Variants in HTR4 observed in about 807,000 individuals in gnomAD.
HTR4 encodes the protein 5-hydroxytryptamine (serotonin) receptor 4, G protein-coupled.
A neutral mutation model predicts 36.8 loss-of-function variants in HTR4; 16 were observed. That is an observed-to-expected ratio of 0.43 (90% CI 0.29 to 0.66). HTR4 has a LOEUF of 0.66. HTR4 is among the 30% of genes least tolerant of loss of function. The pLI is 0.13. For missense variants in HTR4, 438 were observed against 490.9 expected, an observed-to-expected ratio of 0.89 and a Z score of 1.02; for synonymous variants, 189 against 185.1, an observed-to-expected ratio of 1.02 and a Z score of -0.17.
chr5:148,559,535 T>C (rs1285507722), intron 2 of HTR4, among the ~76,000 whole-genome samples: 1 of 151,986 alleles, frequency 6.6e-6, no homozygotes, highest in Non-Finnish European at 1.5e-5. Context: ...TTTTAAAGTA[T>C]ATATCATTTC....
chr5:148,582,454 C>T (rs1192389760), intron 2 of HTR4, among the ~76,000 whole-genome samples: 2 of 151,846 alleles, frequency 1.3e-5, no homozygotes, highest in Non-Finnish European at 1.5e-5. Context: ...TCCTTCATCC[C>T]CCCTTCATCC....
At chr5:148,576,483 G>A (rs1437295531) in intron 2 of HTR4, among the ~76,000 whole-genome samples, 1 of 151,860 alleles carries the variant, frequency 6.6e-6, no homozygotes, top group African/African-American at 2.4e-5. Flanking sequence ...AAATTTATAT[G>A]GAACCAATAA....
intron 6 of HTR4, among the ~76,000 whole-genome samples, chr5:148,507,110 A>G (rs1757257222): frequency 6.6e-6 from 1 of 152,034 alleles, no homozygotes; most frequent in African/African-American, 2.4e-5. Flanking sequence ...AATAGCAAAC[A>G]CTTGGAACCA....
chr5:148,531,850 C>T (rs1758581677), intron 4 of HTR4, among the ~76,000 whole-genome samples: 1 of 152,100 alleles, frequency 6.6e-6, no homozygotes, highest in South Asian at 2.1e-4. Flanking sequence ...AAAAAATTCC[C>T]TGTTGCTCTC....
intron 1 of HTR4, among the ~76,000 whole-genome samples, chr5:148,653,501 T>C (rs563879935): frequency 6.6e-6 from 1 of 152,278 alleles, no homozygotes; most frequent in Non-Finnish European, 1.5e-5. Flanking sequence ...GTACCGGCAG[T>C]GACCGCCAAG....
chr5:148,521,441 C>T (rs1319582976), intron 5 of HTR4, among the ~76,000 whole-genome samples: 2 of 151,850 alleles, frequency 1.3e-5, no homozygotes, highest in African/African-American at 4.8e-5. Flanking sequence ...TGCCTTACTG[C>T]CTTCAAGCTG....
chr5:148,506,104 T>C (rs775003235), intron 6 of HTR4, among the ~76,000 whole-genome samples: 6 of 152,080 alleles, frequency 3.9e-5, no homozygotes, highest in Admixed American at 1.3e-4. Context: ...GGAGGCATCA[T>C]GCTACCTGAC....
At chr5:148,583,873 T>C (rs1239482116) in intron 2 of HTR4, among the ~76,000 whole-genome samples, 1 of 152,128 alleles carries the variant, frequency 6.6e-6, no homozygotes, top group Non-Finnish European at 1.5e-5. Flanking sequence ...GTCCTGGAAC[T>C]GACAACACCA....
chr5:148,476,563 A>T, downstream of HTR4: 1 of 1,429,132 alleles, frequency 7.0e-7, no homozygotes, highest in Non-Finnish European at 9.2e-7. Flanking sequence ...GAGATTTGGG[A>T]CTGAAGGGGC....
intron 2 of HTR4, among the ~76,000 whole-genome samples, chr5:148,625,639 G>A (rs1000404945): frequency 6.6e-6 from 1 of 151,998 alleles, no homozygotes; most frequent in African/African-American, 2.4e-5. Flanking sequence ...GGAGTGCAGC[G>A]GCATGATCTC....
chr5:148,510,866 G>A (rs1757464350), intron 5 of HTR4, among the ~76,000 whole-genome samples: 1 of 152,172 alleles, frequency 6.6e-6, no homozygotes, highest in African/African-American at 2.4e-5. Context: ...GCCAAGAGGG[G>A]CCTTAGGGCT....
chr5:148,571,712 C>T (rs947718509), intron 2 of HTR4, among the ~76,000 whole-genome samples: 2 of 151,880 alleles, frequency 1.3e-5, no homozygotes, highest in African/African-American at 2.4e-5. Context: ...CTGGAGTGTT[C>T]CTGATTTATC....
At chr5:148,653,612 C>G (rs923228511) in intron 1 of HTR4, among the ~76,000 whole-genome samples, 2 of 99,020 alleles carry the variant, frequency 2.0e-5, no homozygotes, top group Non-Finnish European at 5.0e-5. Context: ...CTCTCTAACA[C>G]ACACACACAC....
At chr5:148,457,670 A>AATATATCATTAAAATATATTTG (rs1755132903) in intron 5 of HTR4, among the ~76,000 whole-genome samples, 1 of 146,428 alleles carries the variant, frequency 6.8e-6, no homozygotes, top group Non-Finnish European at 1.5e-5. Context: ...AATATATTTT[A>AATATATCATTAAAATATATTTG]ATATATCATT....
At chr5:148,451,207 T>G in exon 6 of HTR4, 1 of 1,613,886 alleles carries the variant, frequency 6.2e-7, no homozygotes, top group Non-Finnish European at 8.5e-7. Context: ...TTCCAGGGAT[T>G]CTGGGTCATT....
intron 2 of HTR4, among the ~76,000 whole-genome samples, chr5:148,592,785 C>T (rs568990888): frequency 5.0e-4 from 76 of 152,028 alleles, no homozygotes; most frequent in African/African-American, 1.8e-3. Flanking sequence ...TTCCTCTGTG[C>T]CCTATGTCCT....
intron 2 of HTR4, among the ~76,000 whole-genome samples, chr5:148,622,075 A>G (rs750300539): frequency 2.6e-5 from 4 of 152,096 alleles, no homozygotes; most frequent in Admixed American, 2.6e-4. Flanking sequence ...TCTTGTAATA[A>G]TTGCTCCAAA....
chr5:148,647,175 A>C (rs150941184), intron 1 of HTR4, among the ~76,000 whole-genome samples: 2 of 152,234 alleles, frequency 1.3e-5, no homozygotes, highest in Admixed American at 6.5e-5. Context: ...TTCAAATAAG[A>C]TAACTTATGT....
At chr5:148,518,245 T>C (rs997033198) in intron 5 of HTR4, among the ~76,000 whole-genome samples, 3 of 152,170 alleles carry the variant, frequency 2.0e-5, no homozygotes, top group Non-Finnish European at 4.4e-5. Flanking sequence ...TAATCTCCTC[T>C]ACTTATTTTC....
Sources: allele counts gnomAD v4.1 joint callset (sites outside exome capture counted in the v4.1 genomes callset), GRCh38; gene constraint gnomAD v4.1.1; transcripts MANE v1.5; gene names NCBI Gene and HGNC (gene_info 2026-07-23, HGNC 2026-07-21).